The following ZSCAN5A variants were observed in gnomAD, a reference collection of about 807,000 sequenced individuals.
ZSCAN5A encodes the protein zinc finger and SCAN domain containing 5A.
Under a neutral mutation model 23.7 loss-of-function variants are expected in ZSCAN5A, and 12 were observed. The ratio of observed to expected loss-of-function variants is 0.51; its 90% CI spans 0.32 to 0.82. The LOEUF (loss-of-function observed/expected upper bound fraction) is 0.82, where lower values mean the gene tolerates loss of function less well. Ranked by LOEUF, ZSCAN5A falls within the 40% of genes least tolerant of loss-of-function variation. The pLI, the probability that ZSCAN5A is intolerant of heterozygous loss-of-function variation, is 0.03. For missense variants in ZSCAN5A, 597 were observed against 617.9 expected, an observed-to-expected ratio of 0.97 and a Z score of 0.36; for synonymous variants, 257 against 239.9, an observed-to-expected ratio of 1.07 and a Z score of -0.66.
intron 2 of ZSCAN5A, among the ~76,000 whole-genome samples, chr19:56,324,036 A>AGT (rs1245357521): frequency 6.6e-6 from 1 of 152,204 alleles, no homozygotes; most frequent in East Asian, 1.9e-4. Flanking sequence ...AATTATTGTT[A>AGT]ACTATAGTTG....
chr19:56,330,650 C>A (rs1415451241), intron 2 of ZSCAN5A, among the ~76,000 whole-genome samples: 1 of 152,098 alleles, frequency 6.6e-6, no homozygotes, highest in East Asian at 1.9e-4. Flanking sequence ...TGTCTGTTTA[C>A]ATCTTTTGCC....
chr19:56,284,895 T>C (rs1018055412), intron 2 of ZSCAN5A: 10 of 461,686 alleles, frequency 2.2e-5, no homozygotes, highest in African/African-American at 1.9e-4. Flanking sequence ...CCACACTTCC[T>C]GAAGAAGAGT....
chr19:56,348,231 GTCTC>G (rs887374903), intron 2 of ZSCAN5A: 5 of 152,178 alleles, frequency 3.3e-5, no homozygotes, highest in Admixed American at 2.0e-4. Context: ...ACTAGAGCTA[GTCTC>G]TCTCTGTCTT....
At chr19:56,290,403 T>G (rs981567994) in intron 2 of ZSCAN5A, among the ~76,000 whole-genome samples, 1 of 152,246 alleles carries the variant, frequency 6.6e-6, no homozygotes, top group Non-Finnish European at 1.5e-5. Context: ...CCTACACTAT[T>G]TACTGTCTGA....
chr19:56,353,299 G>A (rs958212314), intron 2 of ZSCAN5A, among the ~76,000 whole-genome samples: 2 of 152,182 alleles, frequency 1.3e-5, no homozygotes, highest in African/African-American at 4.8e-5. Context: ...GGGAAAATGG[G>A]AGTGAAAATA....
intron 2 of ZSCAN5A, among the ~76,000 whole-genome samples, chr19:56,280,298 G>A (rs1331596873): frequency 6.6e-6 from 1 of 152,016 alleles, no homozygotes; most frequent in East Asian, 1.9e-4. Context: ...TACGTTTTTG[G>A]CTGAATAATA....
chr19:56,222,252 G>T lies in ZSCAN5A; in HGVS notation c.814C>A (p.Pro272Thr). The T allele has an allele frequency of 1.2e-6, 2 of 1,613,826 alleles. No homozygotes were observed. Among genetic ancestry groups the T allele is most frequent in the Non-Finnish European group, 8.5e-7 (1 of 1,179,872 alleles). The change falls in exon 6 of 6, where the codon CCT becomes ACT. Residue 272 changes from proline to threonine, a missense_variant. By Grantham distance (38) the Pro-to-Thr change is conservative. Around this residue, in one of 5 missense-constraint regions of ZSCAN5A, gnomAD observed 406 missense variants for 353.2 expected, o/e 1.15. Coordinates refer to ENST00000683990, the MANE Select transcript of ZSCAN5A (RefSeq NM_001322064.3). ...ASVENVDADT[P>T]SACVVEREAS... ...TCTCTCTCCACAACGCAGGCAGAAG[G>T]TGTGTCAGCATCCACATTTTCCACA...
At chr19:56,232,813 C>T (rs950714196) in intron 2 of ZSCAN5A, among the ~76,000 whole-genome samples, 22 of 152,056 alleles carry the variant, frequency 1.4e-4, no homozygotes, top group Admixed American at 6.5e-4. Flanking sequence ...CCAGTAGCTG[C>T]GACCACAGGT....
At chr19:56,348,060 C>T (rs899383733) in intron 2 of ZSCAN5A, 6 of 152,240 alleles carry the variant, frequency 3.9e-5, no homozygotes, top group Admixed American at 6.5e-5. Context: ...CCCCCAGAGG[C>T]GGAGGTCACT....
At chr19:56,228,283 G>C (rs2097917299) in intron 2 of ZSCAN5A, 1 of 985,262 alleles carries the variant, frequency 1.0e-6, no homozygotes, top group Non-Finnish European at 1.2e-6. Context: ...CGACCTTCTC[G>C]GTCTGGGATG....
rs143435167 is a variant in ZSCAN5A, at chr19:56,345,951, T to A, written c.-358+17284A>T. Among the ~76,000 whole-genome samples the A allele has an allele frequency of 4.6e-5, 7 of 152,242 alleles. No individual in the cohort carries two copies. In the East Asian group the frequency reaches 1.4e-3, roughly 29 times the overall value. On this transcript the variant is annotated intron_variant, in intron 2 of 6. Coordinates refer to the ZSCAN5A transcript ENST00000587340. ...CTGAGATGAACTTTTCTGTTTACAC[T>A]CTTGGGGTTTGATAAGGAAAAACAG...
At chr19:56,326,026 G>A (rs183427144) in intron 2 of ZSCAN5A, among the ~76,000 whole-genome samples, 136 of 150,466 alleles carry the variant, frequency 9.0e-4, no homozygotes, top group African/African-American at 3.2e-3. Context: ...TCCACCTCCC[G>A]GGTTCACGCC....
intron 2 of ZSCAN5A, among the ~76,000 whole-genome samples, chr19:56,339,110 C>A (rs1456379410): frequency 6.6e-6 from 1 of 152,256 alleles, no homozygotes; most frequent in Non-Finnish European, 1.5e-5. Context: ...CATATGACAG[C>A]AAACCTTTTC....
At chr19:56,343,585 G>A (rs2041610827) in intron 2 of ZSCAN5A, among the ~76,000 whole-genome samples, 1 of 152,174 alleles carries the variant, frequency 6.6e-6, no homozygotes, top group South Asian at 2.1e-4. Flanking sequence ...TTCAATTATA[G>A]AGATGAGGAA....
At chr19:56,319,798 C>G, upstream of ZSCAN5A, 1 of 775,854 alleles carries the variant, frequency 1.3e-6, no homozygotes, top group South Asian at 1.3e-5. Flanking sequence ...AACTATGGTC[C>G]ACTGGAATTG....
At chr19:56,301,682 C>T (rs1469338803) in intron 2 of ZSCAN5A, among the ~76,000 whole-genome samples, 1 of 152,106 alleles carries the variant, frequency 6.6e-6, no homozygotes, top group Non-Finnish European at 1.5e-5. Flanking sequence ...GGTTCAAACC[C>T]CTCTGACAGT....
At chr19:56,272,211 C>T (rs900808468) in intron 2 of ZSCAN5A, among the ~76,000 whole-genome samples, 6 of 152,136 alleles carry the variant, frequency 3.9e-5, no homozygotes, top group African/African-American at 7.2e-5. Context: ...AGTAGAAATA[C>T]GATAGATGTT....
Position 56,222,552 on chromosome 19 carries a change from G to C in ZSCAN5A, c.739+39C>G, listed in dbSNP as rs765358056. 1.6e-5 allele frequency: 25 copies of C among 1,607,380 alleles called. No individual in the cohort carries two copies. The Admixed American group carries it at 3.9e-4, about 25-fold the overall frequency. On this transcript the variant is annotated intron_variant, in intron 5 of 5. Transcript: ENST00000683990. ...GCCCCCAGCCCCGCACCCCAGAAGA[G>C]AGGGACTAACCCCTGTGGATCCAAG...
chr19:56,349,660 A>T (rs1357956301), intron 2 of ZSCAN5A, among the ~76,000 whole-genome samples: 1 of 144,780 alleles, frequency 6.9e-6, no homozygotes, highest in Non-Finnish European at 1.5e-5. Context: ...AGCCAAGATC[A>T]CACCACTGCA....
Sources: gnomAD v4.1 joint callset for allele counts (sites outside exome capture counted in the v4.1 genomes callset) on GRCh38, gnomAD v4.1.1 for gene constraint, gnomAD v4.1.1 regional missense constraint, MANE v1.5 for transcripts, NCBI Gene and HGNC (gene_info 2026-07-23, HGNC 2026-07-21) for gene names.